The following TRPM1 variants were observed in gnomAD, a reference collection of about 807,000 sequenced individuals.
TRPM1 encodes transient receptor potential cation channel subfamily M member 1.
In TRPM1, 113 loss-of-function variants were observed where a neutral mutation model predicts 149.4. That is an observed-to-expected ratio of 0.76 (90% CI 0.65 to 0.88). TRPM1 has a LOEUF of 0.88. Ranked by LOEUF, TRPM1 falls within the 40% of genes least tolerant of loss-of-function variation. TRPM1 has a pLI of 0.00. For missense variants in TRPM1, 1,976 were observed against 2,038.7 expected (o/e 0.97, Z 0.59); for synonymous variants, 741 against 759.5 (o/e 0.98, Z 0.40).
At chr15:31,157,491 G>T (rs1211744233) in intron 1 of TRPM1, among the ~76,000 whole-genome samples, 5 of 152,096 alleles carry the variant, frequency 3.3e-5, no homozygotes, top group African/African-American at 7.2e-5. Flanking sequence ...TCGTATTTAG[G>T]ATCTTGAACT....
intron 11 of TRPM1, among the ~76,000 whole-genome samples, chr15:31,054,737 C>T (rs751598612): frequency 3.3e-5 from 5 of 152,048 alleles, no homozygotes; most frequent in African/African-American, 9.7e-5. Flanking sequence ...CATTGTGGAA[C>T]GATGAAGCTA....
intron 1 of TRPM1, among the ~76,000 whole-genome samples, chr15:31,158,134 G>C (rs2036400583): frequency 6.6e-6 from 1 of 152,142 alleles, no homozygotes; most frequent in Non-Finnish European, 1.5e-5. Flanking sequence ...TACTTCTTAA[G>C]TGAGGGCTTT....
chr15:31,016,181 A>G (rs1321806300), intron 27 of TRPM1, among the ~76,000 whole-genome samples: 3 of 152,220 alleles, frequency 2.0e-5, no homozygotes, highest in African/African-American at 4.8e-5. Context: ...GTTATTTATT[A>G]TAGGGTTTGC....
intron 27 of TRPM1, among the ~76,000 whole-genome samples, chr15:31,022,881 G>C (rs1271935600): frequency 6.6e-6 from 1 of 152,196 alleles, no homozygotes; most frequent in Non-Finnish European, 1.5e-5. Flanking sequence ...AATTAGCTGG[G>C]CGTGGTGGCA....
intron 1 of TRPM1, among the ~76,000 whole-genome samples, chr15:31,115,771 C>A (rs1184552371): frequency 6.6e-6 from 1 of 151,596 alleles, no homozygotes; most frequent in African/African-American, 2.4e-5. Context: ...TTATCAGAGC[C>A]TGTCTTAGTC....
At chr15:31,112,888 A>T (rs1473697139) in intron 1 of TRPM1, among the ~76,000 whole-genome samples, 2 of 152,112 alleles carry the variant, frequency 1.3e-5, no homozygotes, top group African/African-American at 4.8e-5. Flanking sequence ...CCTCAAACTC[A>T]TTTGCCCATA....
rs1228395121 is a variant in TRPM1, at chr15:31,047,229, T to C, written c.1646A>G (p.His549Arg). 6.2e-7 allele frequency: 1 copy of C among 1,614,072 alleles called. No individual in the cohort carries two copies. Among genetic ancestry groups the C allele is most frequent in the Non-Finnish European group, 8.5e-7 (1 of 1,180,038 alleles). ...GAGCCCGATGTCTATGAGGCTGATG[T>C]GGTAATCAGGCGGAAGGTTGCTCTG... ...VKKSNLPPDY[H>R]ISLIDIGLVL... Residue 549 changes from histidine to arginine, a missense_variant, in exon 15 of 28, where the codon CAC becomes CGC. Transcript: ENST00000256552.
intron 1 of TRPM1, among the ~76,000 whole-genome samples, chr15:31,111,235 C>T (rs541836238): frequency 6.6e-6 from 1 of 152,270 alleles, no homozygotes; most frequent in Non-Finnish European, 1.5e-5. Context: ...TCTCATCAAA[C>T]TCCTAACATC....
At chr15:31,133,517 G>A (rs1392403913) in intron 1 of TRPM1, among the ~76,000 whole-genome samples, 3 of 152,154 alleles carry the variant, frequency 2.0e-5, no homozygotes, top group Admixed American at 6.5e-5. Flanking sequence ...CCAACATGGT[G>A]AAACCCCGTC....
chr15:31,081,946 T>C (rs894789661), intron 1 of TRPM1, among the ~76,000 whole-genome samples: 1 of 152,126 alleles, frequency 6.6e-6, no homozygotes, highest in African/African-American at 2.4e-5. Context: ...TGAAAGGCAA[T>C]GGGTGGAGGC....
rs1005714653 is a variant in TRPM1, at chr15:31,068,219, C to A, written c.280-127G>T. The A allele has an allele frequency of 4.8e-5, 41 of 850,226 alleles. 1 individual carries two copies. In the South Asian group the frequency reaches 5.6e-4, roughly 12 times the overall value. 52.7% of individuals were successfully genotyped at this position (850,226 alleles called of 1,614,324 possible). A position where few individuals can be genotyped will look rare whatever the true frequency, so the allele number is the denominator to read the frequency against. On this transcript the variant is annotated intron_variant, in intron 4 of 27. Coordinates refer to ENST00000256552, the MANE Select transcript of TRPM1 (RefSeq NM_001252024.2). ...TTGTCTCTTCCTCAGGGCCCTGGAG[C>A]CCTCTGTGTGAGTCTGTGGCCAAGT...
chr15:31,122,100 G>C (rs1236739002), intron 1 of TRPM1, among the ~76,000 whole-genome samples: 1 of 152,104 alleles, frequency 6.6e-6, no homozygotes, highest in East Asian at 1.9e-4. Context: ...CATATCAATA[G>C]ATGTAGAAGA....
Position 31,027,092 on chromosome 15 carries a change from T to C in TRPM1, c.3319A>G (p.Ile1107Val), listed in dbSNP as rs536064234. The change falls in exon 26 of 28, where the codon ATA (isoleucine) becomes GTA (valine). Residue 1107 changes from isoleucine to valine, a missense_variant. This residue lies in a region of TRPM1 where 72 missense variants were observed against 112.7 expected (regional missense o/e 0.64). Coordinates refer to ENST00000256552, the MANE Select transcript of TRPM1 (RefSeq NM_001252024.2). ...TGGAACTTCCACACCTGGTTGGATATTGATTTTACTTCAAAGAAGGTATTG... is the reference window on the plus strand; with the variant it reads ...TGGAACTTCCACACCTGGTTGGATACTGATTTTACTTCAAAGAAGGTATTG... ...FNNTFFEVKS[I>V]SNQVWKFQRY... 4 of 1,614,192 alleles carry C rather than the reference T, an allele frequency of 2.5e-6. No individual in the cohort carries two copies. Among genetic ancestry groups the C allele is most frequent in the Non-Finnish European group, 3.4e-6 (4 of 1,180,040 alleles).
intron 2 of TRPM1, among the ~76,000 whole-genome samples, chr15:31,081,090 G>C (rs2034845866): frequency 6.6e-6 from 1 of 152,106 alleles, no homozygotes; most frequent in Admixed American, 6.5e-5. Context: ...AAGGTCATCT[G>C]TGATGACTCT....
chr15:31,154,543 C>T, intron 1 of TRPM1, among the ~76,000 whole-genome samples: 1 of 152,240 alleles, frequency 6.6e-6, no homozygotes, highest in Non-Finnish European at 1.5e-5. Flanking sequence ...GCAGGCTGAA[C>T]TAACTTTCGG....
In TRPM1 at chr15:31,106,963, A is replaced by T. The variant is rs76406356; in HGVS notation, c.55-29979T>A. Among the ~76,000 whole-genome samples the T allele has an allele frequency of 3.5e-3, 540 of 152,310 alleles. 14 individuals are homozygous for T. In the East Asian group the frequency reaches 0.08, roughly 22 times the overall value. On this transcript the variant is annotated intron_variant, in intron 1 of 26. Coordinates refer to the TRPM1 transcript ENST00000542188. ...GTTGTTACACTTTTAGAATTTTGCC[A>T]ATCTTATTAAGAAACGGTTTCTCAA...
At chr15:31,046,151 T>C in intron 16 of TRPM1, 53 bp downstream of exon 16, 1 of 1,565,298 alleles carries the variant, frequency 6.4e-7, no homozygotes, top group Non-Finnish European at 8.8e-7. Flanking sequence ...TTAAAAGGGC[T>C]ATGTATATTT....
intron 1 of TRPM1, among the ~76,000 whole-genome samples, chr15:31,084,331 A>T (rs913996343): frequency 1.3e-5 from 2 of 152,122 alleles, no homozygotes; most frequent in African/African-American, 4.8e-5. Context: ...CTCCTAAAAA[A>T]AGCCGGTACC....
intron 1 of TRPM1, among the ~76,000 whole-genome samples, chr15:31,128,647 C>T (rs547252015): frequency 6.6e-6 from 1 of 152,178 alleles, no homozygotes; most frequent in Non-Finnish European, 1.5e-5. Context: ...GCATCACTGA[C>T]GGGCATAGGC....
Sources: gnomAD v4.1 joint callset for allele counts (sites outside exome capture counted in the v4.1 genomes callset) on GRCh38, gnomAD v4.1.1 for gene constraint, gnomAD v4.1.1 regional missense constraint, MANE v1.5 for transcripts, NCBI Gene and HGNC (gene_info 2026-07-23, HGNC 2026-07-21) for gene names.